Variants in SULF1 observed in about 807,000 individuals in gnomAD.
SULF1 encodes extracellular sulfatase Sulf-1.
Under a neutral mutation model 110.5 loss-of-function variants are expected in SULF1, and 46 were observed. The observed-to-expected ratio is 0.42, with a 90% CI of 0.33 to 0.53. The LOEUF is 0.53. SULF1 is among the 20% of genes least tolerant of loss of function. SULF1 has a pLI of 0.12. For missense variants in SULF1, 941 were observed against 1,094.2 expected (o/e 0.86, Z 1.98); for synonymous variants, 371 against 387.1 (o/e 0.96, Z 0.49).
At chr8:69,595,941 AAGGTAACATT>A (rs1807283562) in intron 8 of SULF1, among the ~76,000 whole-genome samples, 1 of 152,214 alleles carries the variant, frequency 6.6e-6, no homozygotes, top group Non-Finnish European at 1.5e-5. Context: ...GTCAAAAAGA[AAGGTAACATT>A]ATTGATTTTT....
Position 69,624,126 on chromosome 8 carries a change from C to T in SULF1, c.1779C>T (p.Gly593=), listed in dbSNP as rs747171938. 2 of 1,613,534 alleles carry T rather than the reference C, an allele frequency of 1.2e-6. No homozygotes were observed. The highest frequency in any genetic ancestry group is 2.2e-5 in the South Asian group (2 of 91,022). Residue 593 remains glycine (G), a synonymous_variant, in exon 15 of 23, where the codon GGC becomes GGT. Transcript: ENST00000402687. The part of the protein sequence containing the change: ...GPRDLQASSG[G]NRGRMLADSS... ...GAGATCTCCAGGCTTCCAGTGGTGG[C>T]AACAGGGGCAGGATGCTGGCAGATA...
At chr8:69,638,389 A>G (rs1420523574) in intron 19 of SULF1, 113 bp from the exon 20 acceptor site, 7 of 1,228,692 alleles carry the variant, frequency 5.7e-6, no homozygotes, top group Non-Finnish European at 7.9e-6. Flanking sequence ...AATATTTATA[A>G]GAAAGAAATT....
chr8:69,527,477 G>A (rs1203637845), intron 3 of SULF1, among the ~76,000 whole-genome samples: 4 of 152,062 alleles, frequency 2.6e-5, no homozygotes, highest in African/African-American at 4.8e-5. Flanking sequence ...CAGAGAGGAC[G>A]AAAGACTTCA....
chr8:69,494,979 C>T (rs1810235544), intron 1 of SULF1, among the ~76,000 whole-genome samples: 1 of 151,716 alleles, frequency 6.6e-6, no homozygotes, highest in Non-Finnish European at 1.5e-5. Context: ...GGCGCAGATT[C>T]CAGAAATATT....
rs76773185 is a variant in SULF1, at chr8:69,599,636, T to C, written c.735-967T>C. ...TAAACTCTCACTCGGTTTTTAATAT[T>C]AACCTCTATGTGCTTAATAACATTG... On this transcript the variant is annotated intron_variant, in intron 8 of 22. Transcript: ENST00000402687. 5.3e-3 allele frequency among the ~76,000 whole-genome samples: 810 copies of C among 152,362 alleles called. 2 individuals carry two copies. The highest frequency in any genetic ancestry group is 7.3e-3 in the Non-Finnish European group (495 of 68,032).
At chr8:69,642,285 G>A (rs951366692) in intron 22 of SULF1, 4 of 987,086 alleles carry the variant, frequency 4.1e-6, no homozygotes, top group African/African-American at 3.5e-5. Flanking sequence ...GGTCTCAGAT[G>A]CTTCCTTTTA....
chr8:69,611,079 C>G (rs1335841679), intron 13 of SULF1, among the ~76,000 whole-genome samples: 1 of 152,242 alleles, frequency 6.6e-6, no homozygotes, highest in Non-Finnish European at 1.5e-5. Flanking sequence ...CCTGGATATA[C>G]TGCTTTCTTG....
At chr8:69,626,867 T>G (rs915230706) in intron 15 of SULF1, among the ~76,000 whole-genome samples, 1 of 152,180 alleles carries the variant, frequency 6.6e-6, no homozygotes, top group Non-Finnish European at 1.5e-5. Context: ...CACACCTCCC[T>G]GCAAGCTGAG....
At chr8:69,480,151 TAAA>T (rs1809458427) in intron 1 of SULF1, among the ~76,000 whole-genome samples, 1 of 152,186 alleles carries the variant, frequency 6.6e-6, no homozygotes, top group African/African-American at 2.4e-5. Context: ...AACATACACT[TAAA>T]GAACACACTA....
intron 22 of SULF1, among the ~76,000 whole-genome samples, chr8:69,652,811 T>C (rs1812445422): frequency 6.6e-6 from 1 of 152,224 alleles, no homozygotes; most frequent in South Asian, 2.1e-4. Flanking sequence ...TACTTCACTT[T>C]TGTTTTCTGT....
intron 1 of SULF1, among the ~76,000 whole-genome samples, chr8:69,480,734 CAAAAT>C (rs1287255374): frequency 2.0e-4 from 30 of 152,090 alleles, no homozygotes; most frequent in African/African-American, 7.0e-4. Flanking sequence ...TTTAATAACT[CAAAAT>C]AAAAAGATTA....
chr8:69,512,023 G>A (rs1811601529), intron 3 of SULF1, among the ~76,000 whole-genome samples: 1 of 152,034 alleles, frequency 6.6e-6, no homozygotes, highest in Non-Finnish European at 1.5e-5. Context: ...AAAGCATCAC[G>A]AAGAGAAGTT....
intron 5 of SULF1, among the ~76,000 whole-genome samples, chr8:69,568,198 C>CA (rs1293837084): frequency 6.6e-6 from 1 of 152,054 alleles, no homozygotes; most frequent in African/African-American, 2.4e-5. Flanking sequence ...ACTGTGCCTC[C>CA]AAAAAGAAAG....
chr8:69,655,886 T>A (rs1164991730), intron 22 of SULF1, among the ~76,000 whole-genome samples: 1 of 152,224 alleles, frequency 6.6e-6, no homozygotes, highest in Non-Finnish European at 1.5e-5. Context: ...CATATATTAT[T>A]TTTTCACACT....
upstream of SULF1, among the ~76,000 whole-genome samples, chr8:69,490,637 C>A (rs1809897043): frequency 6.6e-6 from 1 of 152,124 alleles, no homozygotes; most frequent in Non-Finnish European, 1.5e-5. Context: ...CTTGTTGGAA[C>A]CCAGTTTGAA....
At chr8:69,480,350 G>A (rs1809466594) in intron 1 of SULF1, among the ~76,000 whole-genome samples, 1 of 152,146 alleles carries the variant, frequency 6.6e-6, no homozygotes, top group Non-Finnish European at 1.5e-5. Flanking sequence ...GGTAATTAGT[G>A]TTAGAACTCA....
intron 22 of SULF1, among the ~76,000 whole-genome samples, chr8:69,649,286 C>T (rs1324186567): frequency 6.6e-6 from 1 of 152,174 alleles, no homozygotes; most frequent in Non-Finnish European, 1.5e-5. Context: ...TCTCCACACA[C>T]CTTTTTTTTC....
chr8:69,546,402 G>A (rs1814262264), intron 3 of SULF1, among the ~76,000 whole-genome samples: 2 of 152,154 alleles, frequency 1.3e-5, no homozygotes, highest in African/African-American at 2.4e-5. Flanking sequence ...TCAAGCTGAG[G>A]TGAATTTCCA....
intron 3 of SULF1, among the ~76,000 whole-genome samples, chr8:69,539,549 A>G (rs1468486050): frequency 1.3e-5 from 2 of 152,230 alleles, no homozygotes; most frequent in Non-Finnish European, 2.9e-5. Flanking sequence ...AAATACCCAT[A>G]GAAGAGAACA....
Sources: allele counts gnomAD v4.1 joint callset (sites outside exome capture counted in the v4.1 genomes callset), GRCh38; gene constraint gnomAD v4.1.1; transcripts MANE v1.5; gene names NCBI Gene and HGNC (gene_info 2026-07-23, HGNC 2026-07-21).